The following MYOM2 variants were observed in gnomAD, a reference collection of about 807,000 sequenced individuals.
MYOM2 encodes myomesin-2.
A neutral mutation model predicts 187.6 loss-of-function variants in MYOM2; 254 were observed. That is an observed-to-expected ratio of 1.35 (90% CI 1.22 to 1.50). The LOEUF is 1.50. Ranked by LOEUF, MYOM2 falls within the 40% of genes most tolerant of loss-of-function variation. The pLI is 0.00. For missense variants in MYOM2, 2,796 were observed against 1,924.0 expected, an observed-to-expected ratio of 1.45 and a Z score of -8.48; for synonymous variants, 981 against 753.8, an observed-to-expected ratio of 1.30 and a Z score of -4.94.
intron 8 of MYOM2, among the ~76,000 whole-genome samples, chr8:2,070,677 T>C (rs561828974): frequency 2.0e-5 from 3 of 152,378 alleles, no homozygotes; most frequent in South Asian, 4.1e-4. Flanking sequence ...AGTTACAGCA[T>C]AGATCACCAT....
intron 1 of MYOM2, among the ~76,000 whole-genome samples, chr8:2,046,438 C>T (rs1818313241): frequency 6.6e-6 from 1 of 152,180 alleles, no homozygotes; most frequent in South Asian, 2.1e-4. Flanking sequence ...TCAGGAGAGT[C>T]AGCTGGCGCC....
intron 6 of MYOM2, among the ~76,000 whole-genome samples, chr8:2,060,187 G>A (rs927155775): frequency 4.6e-5 from 7 of 152,076 alleles, no homozygotes; most frequent in Non-Finnish European, 1.0e-4. Flanking sequence ...ACCTTCCTAT[G>A]GCTCTCATGT....
Position 2,100,113 on chromosome 8 carries a change from T to TTCCTTCC in MYOM2, c.2441-762_2441-761insCCTTCCT, listed in dbSNP as rs1796645805. ...CCTTCCTTCCTTCCTTCCTTCTTTC[T>TTCCTTCC]TTCCTTCCTTCCTTCTTTCCTTCCT... On this transcript the variant is annotated intron_variant, in intron 19 of 36. Transcript: ENST00000262113. Among the ~76,000 whole-genome samples the TTCCTTCC allele has an allele frequency of 3.6e-3, 225 of 62,654 alleles. 4 individuals carry two copies. The highest frequency in any genetic ancestry group is 0.011 in the Middle Eastern group (1 of 90). 41.1% of individuals were successfully genotyped at this position (62,654 alleles called of 152,430 possible).
At chr8:2,098,717 T>C (rs1319893947) in intron 18 of MYOM2, 140 bp from the exon 19 acceptor site, 1 of 950,100 alleles carries the variant, frequency 1.1e-6, no homozygotes, top group Non-Finnish European at 1.5e-6. Context: ...AGGTCCTTCC[T>C]GAAATATTTG....
Position 2,057,798 on chromosome 8 carries a change from C to T in MYOM2, c.560+18C>T, listed in dbSNP as rs762925779. ...GTGCAGTGGTGAGGGGCTCTGTTCC[C>T]AGGGGGTGAAGAAGTCCATTCTGCG... On this transcript the variant is annotated intron_variant, in intron 5 of 36. Transcript: ENST00000262113. The T allele has an allele frequency of 5.9e-5, 95 of 1,609,380 alleles. No individual in the cohort carries two copies. Among genetic ancestry groups the T allele is most frequent in the Non-Finnish European group, 3.4e-6 (4 of 1,176,726 alleles).
chr8:2,050,563 T>C (rs1373549067), intron 1 of MYOM2, among the ~76,000 whole-genome samples, 192 bp from the exon 2 acceptor site: 1 of 152,172 alleles, frequency 6.6e-6, no homozygotes, highest in African/African-American at 2.4e-5. Context: ...TAAAGTTGGG[T>C]CCCTGGGAAG....
chr8:2,120,689 A>ATATTAT, intron 28 of MYOM2, among the ~76,000 whole-genome samples: 1 of 42,414 alleles, frequency 2.4e-5, no homozygotes, highest in Non-Finnish European at 4.7e-5. Context: ...ATTATATATA[A>ATATTAT]ATATATAATA....
chr8:2,047,089 C>A (rs113803123), intron 1 of MYOM2, among the ~76,000 whole-genome samples: 2 of 152,138 alleles, frequency 1.3e-5, no homozygotes, highest in Admixed American at 1.3e-4. Context: ...GTCTGAAAAA[C>A]AAATCGGGAA....
At chr8:2,089,679 T>G (rs1331627236) in intron 14 of MYOM2, among the ~76,000 whole-genome samples, 2 of 152,210 alleles carry the variant, frequency 1.3e-5, no homozygotes, top group African/African-American at 4.8e-5. Context: ...TAAATTATCT[T>G]TCATTATTTG....
At chr8:2,127,832 C>A (rs1411562745) in intron 31 of MYOM2, 2 of 155,790 alleles carry the variant, frequency 1.3e-5, no homozygotes, top group African/African-American at 4.8e-5. Flanking sequence ...ACCATCTCTT[C>A]GTTCTTCCTC....
At chr8:2,109,358 A>G (rs754569401) in intron 24 of MYOM2, 37 bp from the exon 25 acceptor site, 2 of 1,567,564 alleles carry the variant, frequency 1.3e-6, no homozygotes, top group African/African-American at 1.4e-5. Context: ...ACAAGGATTC[A>G]TGCATTATTG....
chr8:2,116,222 A>G lies in MYOM2; in HGVS notation c.3332A>G (p.Lys1111Arg). The change falls in exon 27 of 37, where the codon AAG (lysine) becomes AGG (arginine). Residue 1111 changes from lysine to arginine, a missense_variant. By Grantham distance (26) the Lys-to-Arg change is conservative (BLOSUM62 2). Coordinates refer to ENST00000262113, the MANE Select transcript of MYOM2 (RefSeq NM_003970.4). ...TTTTAAATATTGAATTTAGCATTCA[A>G]GACTGTGCTGGAAGAGGCTGAGTTT... ...SSLVLIGDAF[K>R]TVLEEAEFQR... 1 of 1,610,702 alleles carries G rather than the reference A, an allele frequency of 6.2e-7. No homozygotes were observed. Among genetic ancestry groups the G allele is most frequent in the Non-Finnish European group, 8.5e-7 (1 of 1,178,434 alleles).
chr8:2,144,293 G>A (rs1798379181), intron 36 of MYOM2, among the ~76,000 whole-genome samples: 2 of 151,754 alleles, frequency 1.3e-5, no homozygotes, highest in African/African-American at 2.4e-5. Context: ...CTGGTAAGAG[G>A]GATCCATAAC....
At chr8:2,066,628 T>C (rs1329522849) in intron 6 of MYOM2, among the ~76,000 whole-genome samples, 1 of 152,162 alleles carries the variant, frequency 6.6e-6, no homozygotes, top group Non-Finnish European at 1.5e-5. Context: ...GAGAAGCACC[T>C]CCTCCTTCCA....
At chr8:2,084,431 G>A (rs1051648625) in intron 13 of MYOM2, among the ~76,000 whole-genome samples, 2 of 152,338 alleles carry the variant, frequency 1.3e-5, no homozygotes, top group East Asian at 1.9e-4. Context: ...ATGGCTCAGA[G>A]ATGTCCCGGG....
chr8:2,046,806 A>T (rs1322097003), intron 1 of MYOM2, among the ~76,000 whole-genome samples: 2 of 147,148 alleles, frequency 1.4e-5, no homozygotes, highest in African/African-American at 5.0e-5. Context: ...TGTCTGAGAT[A>T]GTTCCTTAAA....
intron 21 of MYOM2, among the ~76,000 whole-genome samples, chr8:2,103,527 G>A (rs899593024): frequency 1.3e-5 from 2 of 150,100 alleles, no homozygotes; most frequent in Admixed American, 1.3e-4. Flanking sequence ...CATGTATTCT[G>A]TGTATATGTG....
At position 2,073,434 on chromosome 8, in the gene MYOM2, C is replaced by T; in HGVS notation, c.1054C>T (p.Leu352=). The change falls in exon 10 of 37, where the codon CTG becomes TTG. Residue 352 remains leucine, a synonymous_variant. Transcript: ENST00000262113. ...CCACCTGCACAAGGACGACGAGGGCCTGTACACCCTGCGCATCGTGTCTCG... is the reference window on the plus strand; with the variant it reads ...CCACCTGCACAAGGACGACGAGGGCTTGTACACCCTGCGCATCGTGTCTCG... The part of the protein sequence containing the change: ...FSHLHKDDEG[L]YTLRIVSRGG... The T allele has an allele frequency of 1.9e-6, 3 of 1,612,730 alleles. No homozygotes were observed. The highest frequency in any genetic ancestry group is 2.5e-6 in the Non-Finnish European group (3 of 1,179,854).
chr8:2,084,667 A>G (rs543955509), intron 13 of MYOM2, among the ~76,000 whole-genome samples: 1 of 152,330 alleles, frequency 6.6e-6, no homozygotes, highest in East Asian at 1.9e-4. Flanking sequence ...TTCTAGCATA[A>G]GTTATTTGCA....
Sources: gnomAD v4.1 joint callset for allele counts (sites outside exome capture counted in the v4.1 genomes callset) on GRCh38, gnomAD v4.1.1 for gene constraint, MANE v1.5 for transcripts, NCBI Gene and HGNC (gene_info 2026-07-23, HGNC 2026-07-21) for gene names.